CFAP44: variants seen among roughly 807,000 people sequenced by gnomAD.
CFAP44 encodes the protein cilia and flagella associated protein 44, also known as cilia- and flagella-associated protein 44.
In CFAP44, 134 loss-of-function variants were observed where a neutral mutation model predicts 216.2. The observed-to-expected ratio is 0.62, with a 90% CI of 0.54 to 0.72. The LOEUF (loss-of-function observed/expected upper bound fraction) is 0.72. CFAP44 is among the 30% of genes least tolerant of loss of function. The pLI is 0.00. For missense variants in CFAP44, 2,035 were observed against 2,182.1 expected, an observed-to-expected ratio of 0.93 and a Z score of 1.34; for synonymous variants, 700 against 727.6, an observed-to-expected ratio of 0.96 and a Z score of 0.61.
chr3:113,402,106 C>T (rs1463022626), intron 9 of CFAP44, among the ~76,000 whole-genome samples: 1 of 152,128 alleles, frequency 6.6e-6, no homozygotes, highest in Admixed American at 6.5e-5. Flanking sequence ...TTATAATGAA[C>T]CCTGTTTTCT....
chr3:113,328,816 T>G (rs1205368164), intron 26 of CFAP44, among the ~76,000 whole-genome samples: 1 of 151,050 alleles, frequency 6.6e-6, no homozygotes, highest in Non-Finnish European at 1.5e-5. Flanking sequence ...TTTAACAAAC[T>G]TGAATTATTC....
intron 9 of CFAP44, among the ~76,000 whole-genome samples, chr3:113,403,136 A>C (rs112956403): frequency 1.3e-5 from 2 of 152,332 alleles, no homozygotes; most frequent in South Asian, 4.1e-4. Context: ...TTTCTTAAAG[A>C]ATGTCAATAG....
At chr3:113,326,343 G>T in intron 28 of CFAP44, 102 bp downstream of exon 28, 1 of 1,114,104 alleles carries the variant, frequency 9.0e-7, no homozygotes, top group Non-Finnish European at 1.2e-6. Context: ...CATTGTCCAT[G>T]TTATAGTGAA....
chr3:113,354,326 C>T (rs1950474946), intron 22 of CFAP44, among the ~76,000 whole-genome samples: 1 of 152,184 alleles, frequency 6.6e-6, no homozygotes, highest in Non-Finnish European at 1.5e-5. Context: ...ATCACCCATG[C>T]AGGTTCCCTG....
intron 15 of CFAP44, among the ~76,000 whole-genome samples, chr3:113,389,152 A>G (rs1933729097): frequency 6.6e-6 from 1 of 152,234 alleles, no homozygotes; most frequent in African/African-American, 2.4e-5. Flanking sequence ...AAACATTCCA[A>G]AAATTGAAAT....
chr3:113,310,867 G>A (rs749274495), intron 28 of CFAP44, among the ~76,000 whole-genome samples: 45 of 152,188 alleles, frequency 3.0e-4, no homozygotes, highest in Non-Finnish European at 5.6e-4. Context: ...ATTATAAGAT[G>A]CCTGCTCCTG....
intron 6 of CFAP44, among the ~76,000 whole-genome samples, chr3:113,410,005 G>C (rs979843990): frequency 1.3e-5 from 2 of 152,120 alleles, no homozygotes; most frequent in African/African-American, 2.4e-5. Context: ...CCCGTTTCCT[G>C]TCCGGAAACC....
At chr3:113,350,977 ATAG>A (rs1950439300) in intron 22 of CFAP44, among the ~76,000 whole-genome samples, 1 of 152,232 alleles carries the variant, frequency 6.6e-6, no homozygotes, top group Admixed American at 6.5e-5. Context: ...GGACAGGACA[ATAG>A]ATGGTTCCTC....
intron 5 of CFAP44, among the ~76,000 whole-genome samples, chr3:113,418,790 C>T (rs928322709): frequency 1.3e-5 from 2 of 152,062 alleles, no homozygotes; most frequent in African/African-American, 2.4e-5. Context: ...ACTGCAACCT[C>T]CACTTCCCAA....
chr3:113,332,487 A>G (rs1950248542), intron 25 of CFAP44, among the ~76,000 whole-genome samples: 1 of 152,230 alleles, frequency 6.6e-6, no homozygotes, highest in Admixed American at 6.5e-5. Flanking sequence ...TAATATAACC[A>G]TGATGTGATT....
intron 28 of CFAP44, 56 bp from the exon 29 acceptor site, chr3:113,308,324 T>C: frequency 1.5e-6 from 2 of 1,323,574 alleles, no homozygotes; most frequent in Admixed American, 2.8e-5. Flanking sequence ...AACTAAATAC[T>C]AGATTTTTAA....
chr3:113,360,974 G>T, intron 21 of CFAP44: 1 of 282,018 alleles, frequency 3.5e-6, no homozygotes, highest in South Asian at 4.8e-5. Flanking sequence ...TATGAATTTT[G>T]ATGGTGGATT....
chr3:113,302,772 C>CAAAAAA (rs57355375), intron 32 of CFAP44, among the ~76,000 whole-genome samples: 113 of 39,626 alleles, frequency 2.9e-3, no homozygotes, highest in East Asian at 5.8e-3. Flanking sequence ...GACTCCATCT[C>CAAAAAA]AAAAAAAAAA....
chr3:113,351,525 T>C (rs536586099), intron 22 of CFAP44, among the ~76,000 whole-genome samples: 1 of 152,300 alleles, frequency 6.6e-6, no homozygotes, highest in African/African-American at 2.4e-5. Context: ...AATAGACTCT[T>C]TGGCAGCAGT....
chr3:113,293,802 G>T (rs1464539798), intron 34 of CFAP44: 3 of 269,718 alleles, frequency 1.1e-5, no homozygotes, highest in Non-Finnish European at 2.2e-5. Context: ...AAACAACATT[G>T]TTTCTTACTT....
chr3:113,311,778 G>A (rs73235041), intron 28 of CFAP44, among the ~76,000 whole-genome samples: 27,975 of 152,100 alleles, frequency 0.18, 3,175 homozygotes, highest in East Asian at 0.41. Context: ...CTAAAGATTT[G>A]TTGAATGACT....
chr3:113,391,816 C>T (rs188485886), intron 15 of CFAP44, among the ~76,000 whole-genome samples: 52 of 152,232 alleles, frequency 3.4e-4, no homozygotes, highest in African/African-American at 1.2e-3. Context: ...CTCAACATCA[C>T]GAATCATCAG....
chr3:113,374,826 C>T (rs560074362), intron 17 of CFAP44, among the ~76,000 whole-genome samples: 5 of 152,130 alleles, frequency 3.3e-5, no homozygotes, highest in African/African-American at 9.6e-5. Flanking sequence ...AGTAGAGATG[C>T]GGTTTTGCCA....
In CFAP44 at chr3:113,416,638, TA is replaced by T. The variant is rs772309449; in HGVS notation, c.571-12del. On this transcript the variant is annotated splice_polypyrimidine_tract_variant and intron_variant, in intron 5 of 34. Transcript: ENST00000393845. ...TTTATGTGGATGAACCTACAAAAGA[TA>T]AAATTTCACCAAAATATTAAAAGAA... is the stretch of plus-strand genomic sequence containing the variant. 214 of 1,573,628 alleles carry T rather than the reference TA, an allele frequency of 1.4e-4. No homozygotes were observed. Among genetic ancestry groups the T allele is most frequent in the Middle Eastern group, 5.1e-4 (3 of 5,870 alleles).
Sources: allele counts gnomAD v4.1 joint callset (sites outside exome capture counted in the v4.1 genomes callset), GRCh38; gene constraint gnomAD v4.1.1; transcripts MANE v1.5; gene names NCBI Gene and HGNC (gene_info 2026-07-23, HGNC 2026-07-21).